The following DGCR2 variants were observed in gnomAD, a reference collection of about 807,000 sequenced individuals.
DGCR2 encodes integral membrane protein DGCR2/IDD.
Under a neutral mutation model 51.6 loss-of-function variants are expected in DGCR2, and 24 were observed. The observed-to-expected ratio is 0.47, with a 90% CI of 0.34 to 0.65. The LOEUF is 0.65. Among genes scored for constraint, DGCR2 ranks in the 30% least tolerant of loss-of-function variants. The probability of loss-of-function intolerance (pLI) is 0.01; values close to 1 mark genes in which losing one functional copy is unlikely to be tolerated. For synonymous variants in DGCR2, 340 were observed against 315.4 expected (o/e 1.08, Z -0.82); for missense variants, 765 against 772.1 (o/e 0.99, Z 0.11).
chr22:19,067,972 A>C, intron 3 of DGCR2, 128 bp downstream of exon 3: 1 of 1,311,622 alleles, frequency 7.6e-7, no homozygotes, highest in Non-Finnish European at 1.0e-6. Context: ...AGCCTCATTC[A>C]TTCCCCTCAC....
In DGCR2 at chr22:19,037,585, C is replaced by A. The variant is rs541312033; in HGVS notation, c.*1280G>T. ...TCCATGTGCCACCCTCACCTGCAGA[C>A]GCTTGGCCACATACACACACAGAGA... On this transcript the variant is annotated 3_prime_UTR_variant, in exon 10 of 10. Transcript: ENST00000263196. 6.6e-6 allele frequency: 1 copy of A among 152,372 alleles called. No individual in the cohort carries two copies. The highest frequency in any genetic ancestry group is 6.5e-5 in the Admixed American group (1 of 15,286). 9.4% of individuals were successfully genotyped at this position (152,372 alleles called of 1,614,324 possible).
At chr22:19,090,811 GA>G (rs58088390) in intron 1 of DGCR2, among the ~76,000 whole-genome samples, 9 of 147,084 alleles carry the variant, frequency 6.1e-5, no homozygotes, top group Admixed American at 4.0e-4. Context: ...CCAAAAGAAG[GA>G]AAAAAAAAAG....
At chr22:19,086,866 C>T (rs919512032) in intron 2 of DGCR2, among the ~76,000 whole-genome samples, 2 of 152,232 alleles carry the variant, frequency 1.3e-5, no homozygotes, top group African/African-American at 4.8e-5. Context: ...TTGCCTTCAA[C>T]AAGTCTTCAG....
intron 6 of DGCR2, among the ~76,000 whole-genome samples, chr22:19,048,979 C>A (rs2082520442): frequency 6.6e-6 from 1 of 152,204 alleles, no homozygotes; most frequent in Admixed American, 6.5e-5. Flanking sequence ...GGCTGGAATG[C>A]CATGGATCTC....
At chr22:19,054,447 C>T (rs9618454) in intron 6 of DGCR2, among the ~76,000 whole-genome samples, 2,868 of 152,338 alleles carry the variant, frequency 0.019, 98 homozygotes, top group African/African-American at 0.066. Flanking sequence ...TTACAGAAGT[C>T]TCCCTCGCCT....
intron 9 of DGCR2, 146 bp from the exon 10 acceptor site, chr22:19,039,267 G>T: frequency 1.0e-6 from 1 of 990,872 alleles, no homozygotes; most frequent in Non-Finnish European, 1.5e-6. Context: ...TGGCTCCCCC[G>T]GGCCTCAGAT....
At chr22:19,069,288 C>A (rs768649720) in intron 2 of DGCR2, among the ~76,000 whole-genome samples, 1 of 152,200 alleles carries the variant, frequency 6.6e-6, no homozygotes, top group East Asian at 1.9e-4. Context: ...GAACCTGAAC[C>A]GGCAGTCAGC....
intron 2 of DGCR2, among the ~76,000 whole-genome samples, chr22:19,071,403 T>A (rs934070135): frequency 2.0e-5 from 3 of 152,212 alleles, no homozygotes; most frequent in African/African-American, 7.2e-5. Flanking sequence ...GTGATCAAAC[T>A]TAACATCACC....
At chr22:19,067,183 A>T (rs2082759276) in intron 3 of DGCR2, among the ~76,000 whole-genome samples, 1 of 152,128 alleles carries the variant, frequency 6.6e-6, no homozygotes, top group Admixed American at 6.5e-5. Flanking sequence ...ACACAAGCAG[A>T]CAGGCCCAAG....
intron 2 of DGCR2, among the ~76,000 whole-genome samples, chr22:19,084,244 T>C (rs968703404): frequency 2.0e-5 from 3 of 148,382 alleles, no homozygotes; most frequent in Non-Finnish European, 4.5e-5. Context: ...GGAGCGCCTC[T>C]TCCCTGTCGC....
chr22:19,108,769 C>CCTCACA (rs1341039810), intron 1 of DGCR2, among the ~76,000 whole-genome samples: 1 of 151,828 alleles, frequency 6.6e-6, no homozygotes, highest in East Asian at 1.9e-4. Context: ...AGAAAATGAA[C>CCTCACA]CTCACACTTT....
At chr22:19,064,646 G>GC (rs1467038817) in intron 4 of DGCR2, among the ~76,000 whole-genome samples, 4 of 152,188 alleles carry the variant, frequency 2.6e-5, no homozygotes, top group Non-Finnish European at 5.9e-5. Context: ...AGTCCAGCCT[G>GC]CCCCTGCTCC....
chr22:19,074,412 GAA>G (rs72460718), intron 2 of DGCR2, among the ~76,000 whole-genome samples: 17,851 of 124,914 alleles, frequency 0.14, 1,825 homozygotes, highest in African/African-American at 0.31. Flanking sequence ...AGAGCAAGAT[GAA>G]AAAAAAAAAA....
intron 1 of DGCR2, among the ~76,000 whole-genome samples, chr22:19,114,208 T>C (rs1256593795): frequency 6.8e-6 from 1 of 147,400 alleles, no homozygotes; most frequent in Admixed American, 6.8e-5. Context: ...GATCTCAAAA[T>C]AAGTTAAATA....
chr22:19,108,890 G>C (rs80027296), intron 1 of DGCR2, among the ~76,000 whole-genome samples: 2,475 of 152,006 alleles, frequency 0.016, 88 homozygotes, highest in East Asian at 0.062. Context: ...AATTAGCTGG[G>C]TGTGGTGGCA....
rs772955933 is a variant in DGCR2, at chr22:19,105,597, C to T, written c.80-16107G>A. The stretch of plus-strand genomic sequence containing the variant: ...ACGCTCTGGAAGGCACACTGTACTC[C>T]GGGGCCCCAGAGGGACTTCGGGACC... On this transcript the variant is annotated intron_variant, in intron 1 of 9. Coordinates refer to ENST00000263196, the MANE Select transcript of DGCR2 (RefSeq NM_005137.3). Among the ~76,000 whole-genome samples the T allele has an allele frequency of 1.8e-4, 28 of 152,176 alleles. 1 individual carries two copies. Among genetic ancestry groups the T allele is most frequent in the South Asian group, 4.1e-4 (2 of 4,828 alleles).
intron 1 of DGCR2, among the ~76,000 whole-genome samples, chr22:19,107,524 C>T (rs1269022275): frequency 1.3e-5 from 2 of 152,188 alleles, no homozygotes; most frequent in Non-Finnish European, 2.9e-5. Flanking sequence ...GGCTCAGCTG[C>T]TCTGCCCTGT....
intron 1 of DGCR2, among the ~76,000 whole-genome samples, chr22:19,092,422 A>T (rs770240553): frequency 6.6e-6 from 1 of 152,170 alleles, no homozygotes; most frequent in Non-Finnish European, 1.5e-5. Flanking sequence ...CTAACAGAGG[A>T]GTGAAGAATA....
Position 19,066,486 on chromosome 22 carries a change from G to A in DGCR2, c.329-1419C>T, listed in dbSNP as rs186675718. On this transcript the variant is annotated intron_variant, in intron 3 of 9. Transcript: ENST00000263196. ...TGTCAAGGCATCAGCTCTCGAGAAG[G>A]TGTGTTGCACATTCATTGCGTGTTT... Among the ~76,000 whole-genome samples the A allele has an allele frequency of 2.4e-4, 36 of 152,202 alleles. 1 individual carries two copies. The highest frequency in any genetic ancestry group is 7.3e-5 in the Non-Finnish European group (5 of 68,030).
Sources: gnomAD v4.1 joint callset for allele counts (sites outside exome capture counted in the v4.1 genomes callset) on GRCh38, gnomAD v4.1.1 for gene constraint, MANE v1.5 for transcripts, NCBI Gene and HGNC (gene_info 2026-07-23, HGNC 2026-07-21) for gene names.